Variants in RSF1 observed in about 807,000 individuals in gnomAD.
The protein encoded by RSF1 is HBV pX-associated protein 8.
A neutral mutation model predicts 145.2 loss-of-function variants in RSF1; 13 were observed. The ratio of observed to expected loss-of-function variants is 0.09; its 90% CI spans 0.06 to 0.14. The LOEUF is 0.14. RSF1 is among the 10% of genes least tolerant of loss of function. The pLI is 1.00. For synonymous variants in RSF1, 577 were observed against 592.6 expected (o/e 0.97, Z 0.38); for missense variants, 1,517 against 1,718.2 (o/e 0.88, Z 2.07).
intron 6 of RSF1, 115 bp from the exon 7 acceptor site, chr11:77,698,808 G>GA: frequency 2.4e-6 from 2 of 817,532 alleles, no homozygotes; most frequent in South Asian, 3.4e-5. Flanking sequence ...AAAAAGAGGA[G>GA]AAAATTATTA....
chr11:77,717,156 CA>C (rs112077337), intron 5 of RSF1, among the ~76,000 whole-genome samples: 23,708 of 85,656 alleles, frequency 0.28, 2,265 homozygotes, highest in African/African-American at 0.4. Context: ...CCAGCATGGG[CA>C]AAAAAAAAAC....
At chr11:77,838,924 A>C in the RSF1 span, among the ~76,000 whole-genome samples, 7 of 151,982 alleles carry the variant, frequency 4.6e-5, no homozygotes, top group Non-Finnish European at 1.0e-4. Flanking sequence ...CAATACAAGT[A>C]CCTTTTACTT....
chr11:77,671,157 A>ATTTATATG (rs1959531434), intron 15 of RSF1, among the ~76,000 whole-genome samples: 2 of 74,740 alleles, frequency 2.7e-5, no homozygotes, highest in African/African-American at 1.4e-4. Context: ...ATATATATAT[A>ATTTATATG]TATATATATA....
chr11:77,672,075 G>A lies in RSF1; in HGVS notation c.3718C>T (p.His1240Tyr). 1 of 1,613,868 alleles carries A rather than the reference G, an allele frequency of 6.2e-7. No homozygotes were observed. The highest frequency in any genetic ancestry group is 8.5e-7 in the Non-Finnish European group (1 of 1,179,962). ...LRRGKEIRRVHKRRLSSSESE... is the reference protein window; with the variant it reads ...LRRGKEIRRVYKRRLSSSESE... ...TCTGAGCTGGAAAGTCTTCGCTTGTGTACTCGCCTTATTTCTTTACCACGT... is the reference window on the plus strand; with the variant it reads ...TCTGAGCTGGAAAGTCTTCGCTTGTATACTCGCCTTATTTCTTTACCACGT... Residue 1240 changes from histidine to tyrosine, a missense_variant, in exon 15 of 16, where the codon CAC (histidine) becomes TAC (tyrosine). By Grantham distance (83) the His-to-Tyr change is moderately conservative. Around this residue, in one of 12 missense-constraint regions of RSF1, gnomAD observed 240 missense variants for 231.8 expected, o/e 1.04. Transcript: ENST00000308488.
chr11:77,680,999 A>G (rs1448217450), intron 11 of RSF1, among the ~76,000 whole-genome samples: 3 of 152,248 alleles, frequency 2.0e-5, no homozygotes, highest in African/African-American at 7.2e-5. Flanking sequence ...CTAAAATCAA[A>G]GACCATCAGA....
chr11:77,676,100 T>C (rs1164657194), intron 13 of RSF1, among the ~76,000 whole-genome samples: 1 of 152,182 alleles, frequency 6.6e-6, no homozygotes, highest in Non-Finnish European at 1.5e-5. Flanking sequence ...CTTCTATGCT[T>C]AGAATACCTT....
At chr11:77,755,304 T>A (rs117318399) in intron 2 of RSF1, among the ~76,000 whole-genome samples, 140 of 152,192 alleles carry the variant, frequency 9.2e-4, no homozygotes, top group Non-Finnish European at 1.8e-3. Flanking sequence ...GGAGGTAGAA[T>A]TATCAGGACA....
chr11:77,800,991 C>T (rs941665973), intron 1 of RSF1, among the ~76,000 whole-genome samples: 1 of 151,490 alleles, frequency 6.6e-6, no homozygotes, highest in Non-Finnish European at 1.5e-5. Context: ...GGTAACAGAG[C>T]CAGGCCTTCT....
chr11:77,841,660 T>C, the RSF1 span, among the ~76,000 whole-genome samples: 1 of 152,160 alleles, frequency 6.6e-6, no homozygotes, highest in African/African-American at 2.4e-5. Flanking sequence ...GTGTCTTGGG[T>C]CTATCTTCCA....
chr11:77,661,965 GA>G lies in RSF1; in HGVS notation c.*4951del, dbSNP rs1959241817. 6.6e-6 allele frequency: 1 copy of G among 151,880 alleles called. No individual in the cohort carries two copies. The highest frequency in any genetic ancestry group is 1.5e-5 in the Non-Finnish European group (1 of 67,970). The allele number at this position is 151,880 out of a possible 1,614,324, so 9.4% of individuals were successfully genotyped here. On this transcript the variant is annotated 3_prime_UTR_variant, in exon 16 of 16. Transcript: ENST00000308488. The stretch of plus-strand genomic sequence containing the variant: ...TTCTTTAGAAACTGATGAAAGTCAA[GA>G]AAATATATACTTAGGATTAACAATT...
chr11:77,675,086 T>A lies in RSF1; in HGVS notation c.3512A>T (p.Tyr1171Phe). Reference protein sequence around the residue: ...RLRRKTPKKKYSDDDEEEESE... With the variant: ...RLRRKTPKKKFSDDDEEEESE... ...TTCCTCCTCTTCATCATCATCGGAA[T>A]ATTTTTTCTTTGGGGTCTTTCTTCG... Residue 1171 changes from tyrosine (Y) to phenylalanine (F), a missense_variant, in exon 14 of 16, where the codon TAT (tyrosine) becomes TTT (phenylalanine). Physicochemically the swap from Tyr to Phe is conservative, Grantham distance 22. Transcript: ENST00000308488. 2 of 1,614,042 alleles carry A rather than the reference T, an allele frequency of 1.2e-6. No individual in the cohort carries two copies. The highest frequency in any genetic ancestry group is 1.7e-6 in the Non-Finnish European group (2 of 1,179,988).
chr11:77,850,959 T>G, the RSF1 span: 1 of 147,596 alleles, frequency 6.8e-6, no homozygotes, highest in African/African-American at 2.5e-5. Flanking sequence ...ATATCTTTTT[T>G]TTTTTTTTTT....
At chr11:77,751,135 G>C (rs1392495899) in intron 2 of RSF1, among the ~76,000 whole-genome samples, 1 of 152,092 alleles carries the variant, frequency 6.6e-6, no homozygotes, top group African/African-American at 2.4e-5. Context: ...TAAAGGTTCC[G>C]TATCAGCTCA....
intron 5 of RSF1, among the ~76,000 whole-genome samples, chr11:77,718,934 C>G (rs1960880038): frequency 6.6e-6 from 1 of 152,190 alleles, no homozygotes; most frequent in Non-Finnish European, 1.5e-5. Flanking sequence ...GGAAAATCAT[C>G]AGTAAGTTAA....
chr11:77,807,502 T>G (rs1948688711), intron 1 of RSF1, among the ~76,000 whole-genome samples: 1 of 151,636 alleles, frequency 6.6e-6, no homozygotes, highest in Non-Finnish European at 1.5e-5. Flanking sequence ...CACAAGGAGG[T>G]TAAAAGGATG....
chr11:77,777,890 T>C (rs1446055540), intron 1 of RSF1, among the ~76,000 whole-genome samples: 1 of 151,058 alleles, frequency 6.6e-6, no homozygotes, highest in Non-Finnish European at 1.5e-5. Context: ...TTAACATCCT[T>C]ACTACTCTTC....
chr11:77,730,001 T>C (rs570426211), intron 4 of RSF1, among the ~76,000 whole-genome samples: 1 of 151,042 alleles, frequency 6.6e-6, no homozygotes, highest in South Asian at 2.1e-4. Flanking sequence ...ATGTTAACAT[T>C]AGTGAATGAG....
chr11:77,841,067 G>A, the RSF1 span: 4 of 628,402 alleles, frequency 6.4e-6, no homozygotes, highest in Non-Finnish European at 8.7e-6. Flanking sequence ...TCTGGTGAGA[G>A]CCTTCTTGCT....
intron 5 of RSF1, chr11:77,717,574 G>C (rs946978814): frequency 6.6e-6 from 1 of 152,204 alleles, no homozygotes; most frequent in Non-Finnish European, 1.5e-5. Context: ...ACCTAAGAAG[G>C]ATCCCGACAG....
Sources: gnomAD v4.1 joint callset for allele counts (sites outside exome capture counted in the v4.1 genomes callset) on GRCh38, gnomAD v4.1.1 for gene constraint, gnomAD v4.1.1 regional missense constraint, MANE v1.5 for transcripts, NCBI Gene and HGNC (gene_info 2026-07-23, HGNC 2026-07-21) for gene names.